The following IPMK variants were observed in gnomAD, a reference collection of about 807,000 sequenced individuals.
IPMK encodes inositol polyphosphate multikinase.
A neutral mutation model predicts 45.8 loss-of-function variants in IPMK; 17 were observed. That is an observed-to-expected ratio of 0.37 (90% CI 0.25 to 0.56). The LOEUF (loss-of-function observed/expected upper bound fraction) is 0.56, where lower values mean the gene tolerates loss of function less well. Among genes scored for constraint, IPMK ranks in the 20% least tolerant of loss-of-function variants. IPMK has a pLI of 0.79. For missense variants in IPMK, 399 were observed against 498.0 expected (o/e 0.80, Z 1.89); for synonymous variants, 180 against 184.3 (o/e 0.98, Z 0.19).
intron 1 of IPMK, among the ~76,000 whole-genome samples, chr10:58,259,925 T>C (rs937874843): frequency 2.0e-5 from 3 of 152,138 alleles, no homozygotes; most frequent in Admixed American, 6.5e-5. Context: ...TATGAGTCTG[T>C]CAAATATTAT....
At chr10:58,238,399 C>T (rs1242603002) in intron 1 of IPMK, among the ~76,000 whole-genome samples, 4 of 152,176 alleles carry the variant, frequency 2.6e-5, no homozygotes, top group East Asian at 1.9e-4. Flanking sequence ...CAGGAAAGGG[C>T]ACCTTTTTAT....
intron 1 of IPMK, among the ~76,000 whole-genome samples, chr10:58,260,268 C>T (rs1335157862): frequency 2.0e-5 from 3 of 151,984 alleles, no homozygotes; most frequent in Non-Finnish European, 4.4e-5. Flanking sequence ...ATGAAAGATA[C>T]AGAAAGAAGA....
intron 2 of IPMK, among the ~76,000 whole-genome samples, chr10:58,228,634 C>T (rs768065988): frequency 4.6e-5 from 7 of 152,116 alleles, no homozygotes; most frequent in South Asian, 2.1e-4. Flanking sequence ...CCTGGGTTCA[C>T]GCCATTCTCC....
chr10:58,234,929 C>G (rs1467279015), intron 2 of IPMK, among the ~76,000 whole-genome samples: 3 of 151,726 alleles, frequency 2.0e-5, no homozygotes, highest in Non-Finnish European at 4.4e-5. Flanking sequence ...TGACAAAGGG[C>G]TAATATCCGG....
chr10:58,248,185 T>C lies in IPMK; in HGVS notation c.191-10371A>G, dbSNP rs934059959. ...GTCTATTTTATGTGATAATAAAGTA[T>C]ATTATTATACTTTAAAACTTAAAGT... On this transcript the variant is annotated intron_variant, in intron 1 of 5. Transcript: ENST00000373935. Among the ~76,000 whole-genome samples, 8 of 151,984 alleles carry C rather than the reference T, an allele frequency of 5.3e-5. 1 individual carries two copies. Among genetic ancestry groups the C allele is most frequent in the Admixed American group, 2.0e-4 (3 of 15,254 alleles).
At chr10:58,220,262 T>G (rs1838312046) in intron 3 of IPMK, among the ~76,000 whole-genome samples, 1 of 152,006 alleles carries the variant, frequency 6.6e-6, no homozygotes, top group Non-Finnish European at 1.5e-5. Flanking sequence ...CAGAGAGAGA[T>G]CTCCCTGGGC....
At chr10:58,248,040 C>T (rs1192379862) in intron 1 of IPMK, among the ~76,000 whole-genome samples, 1 of 152,032 alleles carries the variant, frequency 6.6e-6, no homozygotes, top group Non-Finnish European at 1.5e-5. Context: ...AGTCATCCTT[C>T]TATGATTATG....
chr10:58,217,909 T>C (rs1838271976), intron 3 of IPMK, among the ~76,000 whole-genome samples: 1 of 152,020 alleles, frequency 6.6e-6, no homozygotes. Flanking sequence ...CCTTTCATTA[T>C]CCCCATTCCA....
chr10:58,242,254 G>C (rs1031765742), intron 1 of IPMK, among the ~76,000 whole-genome samples: 1 of 152,008 alleles, frequency 6.6e-6, no homozygotes, highest in Non-Finnish European at 1.5e-5. Flanking sequence ...TAAGGAGATC[G>C]AGACCATCTT....
intron 1 of IPMK, among the ~76,000 whole-genome samples, chr10:58,241,246 G>A (rs1295545303): frequency 4.6e-5 from 7 of 152,086 alleles, no homozygotes; most frequent in Admixed American, 1.3e-4. Flanking sequence ...CAAAACTTAG[G>A]ATCACAGAGC....
chr10:58,236,647 G>A (rs1261534169), intron 2 of IPMK, among the ~76,000 whole-genome samples: 4 of 152,122 alleles, frequency 2.6e-5, no homozygotes, highest in Admixed American at 6.6e-5. Context: ...GCTCAAGCCC[G>A]TAATCACAGA....
chr10:58,207,244 C>T (rs1411044476), intron 4 of IPMK, among the ~76,000 whole-genome samples: 4 of 152,222 alleles, frequency 2.6e-5, no homozygotes, highest in African/African-American at 9.6e-5. Context: ...ACCTTGTGAT[C>T]CGCCTGCCTC....
chr10:58,233,008 C>T (rs190421227), intron 2 of IPMK, among the ~76,000 whole-genome samples: 1 of 152,316 alleles, frequency 6.6e-6, no homozygotes, highest in Admixed American at 6.5e-5. Context: ...ACTGATCCCA[C>T]AGAAATACAA....
At chr10:58,255,336 A>G (rs1048441714) in intron 1 of IPMK, among the ~76,000 whole-genome samples, 4 of 152,226 alleles carry the variant, frequency 2.6e-5, no homozygotes, top group African/African-American at 4.8e-5. Context: ...CAGTGAAAAG[A>G]TCAAACATCC....
At chr10:58,249,809 T>C (rs1838856093) in intron 1 of IPMK, among the ~76,000 whole-genome samples, 2 of 152,248 alleles carry the variant, frequency 1.3e-5, no homozygotes, top group African/African-American at 2.4e-5. Flanking sequence ...TATTTTATTC[T>C]AGTAGTTTTA....
intron 2 of IPMK, among the ~76,000 whole-genome samples, chr10:58,228,484 G>A (rs1485379084): frequency 6.6e-6 from 1 of 152,216 alleles, no homozygotes; most frequent in Non-Finnish European, 1.5e-5. Flanking sequence ...TGGGACTGGT[G>A]TTTACTGCAA....
chr10:58,216,010 C>G, intron 4 of IPMK, 135 bp downstream of exon 4: 1 of 598,242 alleles, frequency 1.7e-6, no homozygotes, highest in Non-Finnish European at 2.6e-6. Flanking sequence ...TCACTTTTCA[C>G]ATTGGGGAGT....
intron 1 of IPMK, among the ~76,000 whole-genome samples, chr10:58,253,494 C>T (rs926130169): frequency 5.3e-5 from 8 of 151,950 alleles, no homozygotes; most frequent in African/African-American, 1.2e-4. Flanking sequence ...TTTGGGAGGA[C>T]GAAGCAGGCA....
At chr10:58,229,562 C>CAAAAAAAAAAAAAAA (rs574403627) in intron 2 of IPMK, among the ~76,000 whole-genome samples, 2 of 72,954 alleles carry the variant, frequency 2.7e-5, no homozygotes, top group African/African-American at 6.3e-5. Flanking sequence ...GACCACGTCT[C>CAAAAAAAAAAAAAAA]AAAAAAAAAA....
Sources: gnomAD v4.1 joint callset for allele counts (sites outside exome capture counted in the v4.1 genomes callset) on GRCh38, gnomAD v4.1.1 for gene constraint, MANE v1.5 for transcripts, NCBI Gene and HGNC (gene_info 2026-07-23, HGNC 2026-07-21) for gene names.